Variants in CSMD2 observed in about 807,000 individuals in gnomAD.
The protein encoded by CSMD2 is CUB and sushi domain-containing protein 2.
CSMD2 carries 130 observed loss-of-function variants against 398.5 expected under a neutral mutation model. The observed-to-expected ratio is 0.33, with a 90% CI of 0.28 to 0.38. The LOEUF is 0.38. CSMD2 is among the 10% of genes least tolerant of loss of function. CSMD2 has a pLI of 1.00. For synonymous variants in CSMD2, 1,828 were observed against 1,908.5 expected, an observed-to-expected ratio of 0.96 and a Z score of 1.10; for missense variants, 3,829 against 4,764.9, an observed-to-expected ratio of 0.80 and a Z score of 5.78.
At position 33,625,262 on chromosome 1, in the gene CSMD2, G is replaced by A; in HGVS notation, c.5297-8C>T. On this transcript the variant is annotated splice_polypyrimidine_tract_variant and splice_region_variant and intron_variant, in intron 33 of 70. Transcript: ENST00000373381. ...CGCTGGTTCGAGGAACCGCTGTGGGGGACAAGGGCACTGAGGGGAGGCCTC... is the reference window on the plus strand; with the variant it reads ...CGCTGGTTCGAGGAACCGCTGTGGGAGACAAGGGCACTGAGGGGAGGCCTC... The A allele has an allele frequency of 6.2e-7, 1 of 1,607,112 alleles. No individual in the cohort carries two copies. The highest frequency in any genetic ancestry group is 8.5e-7 in the Non-Finnish European group (1 of 1,177,482).
At chr1:34,117,781 AT>A (rs923497023) in intron 1 of CSMD2, among the ~76,000 whole-genome samples, 51 of 152,234 alleles carry the variant, frequency 3.4e-4, no homozygotes, top group African/African-American at 1.2e-3. Context: ...GCAAGACCAA[AT>A]GGAATTTATG....
chr1:33,777,149 A>G (rs1477290055), intron 12 of CSMD2, among the ~76,000 whole-genome samples: 1 of 152,154 alleles, frequency 6.6e-6, no homozygotes, highest in African/African-American at 2.4e-5. Context: ...GGTGAAGTTC[A>G]TTGGGTGTGG....
At chr1:33,986,011 A>T (rs1259642763) in intron 3 of CSMD2, among the ~76,000 whole-genome samples, 1 of 152,124 alleles carries the variant, frequency 6.6e-6, no homozygotes, top group African/African-American at 2.4e-5. Context: ...TCCATTAATA[A>T]GTCTGACTGC....
chr1:33,798,823 G>C (rs1273997255), intron 10 of CSMD2, among the ~76,000 whole-genome samples: 2 of 152,208 alleles, frequency 1.3e-5, no homozygotes, highest in Non-Finnish European at 2.9e-5. Flanking sequence ...AGGCCCTGGA[G>C]AACATTCTCC....
intron 55 of CSMD2, among the ~76,000 whole-genome samples, chr1:33,553,472 C>T (rs980879205): frequency 6.6e-6 from 1 of 152,170 alleles, no homozygotes; most frequent in African/African-American, 2.4e-5. Flanking sequence ...ATCTCCCTCT[C>T]CTTGAGTGCC....
At chr1:33,970,653 C>T (rs1472744821) in intron 3 of CSMD2, among the ~76,000 whole-genome samples, 1 of 152,222 alleles carries the variant, frequency 6.6e-6, no homozygotes, top group African/African-American at 2.4e-5. Context: ...AGGCTCATCC[C>T]CAGCCTTCAG....
chr1:34,037,729 C>A (rs1270766421), intron 2 of CSMD2, among the ~76,000 whole-genome samples: 1 of 152,190 alleles, frequency 6.6e-6, no homozygotes, highest in Non-Finnish European at 1.5e-5. Context: ...CCTCACCAGG[C>A]CTTCTCCTAT....
At chr1:33,716,211 C>A in intron 20 of CSMD2, 75 bp downstream of exon 20, 1 of 1,267,516 alleles carries the variant, frequency 7.9e-7, no homozygotes, top group South Asian at 1.2e-5. Context: ...GCTAGGAAAA[C>A]CAGAGACTGG....
rs551721239 is a variant in CSMD2 at position 33,697,481 on chromosome 1, C to T, written c.3925+1272G>A. Among the ~76,000 whole-genome samples, 93 of 152,278 alleles carry T rather than the reference C, an allele frequency of 6.1e-4. No individual in the cohort carries two copies. The Middle Eastern group carries it at 0.014, about 22-fold the overall frequency. On this transcript the variant is annotated intron_variant, in intron 24 of 70. Transcript: ENST00000373381. ...CACTTGCAGAGGGTCCACTTAGACC[C>T]TCCATTGTATAACAGTGTTAAAGAT...
chr1:33,689,393 TTTC>T (rs1204074576), intron 25 of CSMD2, among the ~76,000 whole-genome samples: 17 of 152,332 alleles, frequency 1.1e-4, no homozygotes, highest in East Asian at 3.9e-4. Flanking sequence ...GGACCTTTAC[TTTC>T]TTCTTCCCAT....
chr1:33,781,164 C>CT (rs1652714627), intron 12 of CSMD2, among the ~76,000 whole-genome samples: 1 of 152,210 alleles, frequency 6.6e-6, no homozygotes, highest in East Asian at 1.9e-4. Context: ...TGCTCTCAGA[C>CT]TTTATTTTTA....
intron 3 of CSMD2, among the ~76,000 whole-genome samples, chr1:33,946,099 G>A (rs1644829777): frequency 6.6e-6 from 1 of 152,152 alleles, no homozygotes. Flanking sequence ...CCTCCCTCTT[G>A]AAGAAACCAG....
chr1:34,021,937 A>G (rs1648945840), intron 3 of CSMD2, among the ~76,000 whole-genome samples: 1 of 152,212 alleles, frequency 6.6e-6, no homozygotes, highest in African/African-American at 2.4e-5. Flanking sequence ...GATGTGTCTT[A>G]TAGTCAATGG....
At chr1:33,896,496 C>A (rs1642396482) in intron 5 of CSMD2, among the ~76,000 whole-genome samples, 1 of 152,152 alleles carries the variant, frequency 6.6e-6, no homozygotes, top group Admixed American at 6.5e-5. Flanking sequence ...AAGATTACCC[C>A]AGCAGTCCCT....
intron 3 of CSMD2, among the ~76,000 whole-genome samples, chr1:33,980,041 G>A (rs12033922): frequency 0.068 from 10,330 of 152,256 alleles, 819 homozygotes; most frequent in East Asian, 0.37. Flanking sequence ...CAAGTGTCCT[G>A]GAACCAGGGG....
chr1:34,156,709 G>C (rs1571294873), intron 1 of CSMD2, among the ~76,000 whole-genome samples: 1 of 152,170 alleles, frequency 6.6e-6, no homozygotes, highest in East Asian at 1.9e-4. Context: ...GATGGCACAG[G>C]AGATTCTCAA....
At chr1:34,080,974 G>GAAAGAAAGAAAGAAAT in intron 2 of CSMD2, among the ~76,000 whole-genome samples, 1 of 140,578 alleles carries the variant, frequency 7.1e-6, no homozygotes, top group East Asian at 2.1e-4. Flanking sequence ...AAGAAAGAAA[G>GAAAGAAAGAAAGAAAT]AAATGCACAG....
chr1:33,517,751 C>A (rs1044039281), intron 70 of CSMD2, among the ~76,000 whole-genome samples: 4 of 152,204 alleles, frequency 2.6e-5, no homozygotes, highest in African/African-American at 9.7e-5. Context: ...TATTCAGGAG[C>A]TGCATCTGCT....
intron 3 of CSMD2, among the ~76,000 whole-genome samples, chr1:34,000,889 C>G (rs1392087095): frequency 1.3e-5 from 2 of 151,024 alleles, no homozygotes; most frequent in African/African-American, 4.9e-5. Context: ...AAAAGAAGTA[C>G]CACACTGAAA....
Sources: gnomAD v4.1 joint callset for allele counts (sites outside exome capture counted in the v4.1 genomes callset) on GRCh38, gnomAD v4.1.1 for gene constraint, MANE v1.5 for transcripts, NCBI Gene and HGNC (gene_info 2026-07-23, HGNC 2026-07-21) for gene names.